CDC20B: variants seen among roughly 807,000 people sequenced by gnomAD.
CDC20B encodes cell division cycle protein 20 homolog B.
Under a neutral mutation model 64.1 loss-of-function variants are expected in CDC20B, and 58 were observed. The observed-to-expected ratio is 0.90, with a 90% CI of 0.73 to 1.13. The LOEUF (loss-of-function observed/expected upper bound fraction) is 1.13. Among genes scored for constraint, CDC20B ranks in the 50% most tolerant of loss-of-function variants. The pLI, the probability that CDC20B is intolerant of heterozygous loss-of-function variation, is 0.00. For synonymous variants in CDC20B, 243 were observed against 230.6 expected, an observed-to-expected ratio of 1.05 and a Z score of -0.49; for missense variants, 597 against 633.0, an observed-to-expected ratio of 0.94 and a Z score of 0.61.
chr5:55,150,844 C>G (rs1404919518), intron 2 of CDC20B, among the ~76,000 whole-genome samples: 1 of 152,122 alleles, frequency 6.6e-6, no homozygotes, highest in East Asian at 1.9e-4. Context: ...TCCCAGAGCT[C>G]AAGCGATCCT....
At chr5:55,164,321 A>G in intron 2 of CDC20B, 1 of 801,096 alleles carries the variant, frequency 1.2e-6, no homozygotes, top group Non-Finnish European at 1.8e-6. Flanking sequence ...TCTGTCACCC[A>G]GGCTGGAGTG....
At chr5:55,128,745 G>T in intron 6 of CDC20B, 128 bp from the exon 7 acceptor site, 1 of 636,324 alleles carries the variant, frequency 1.6e-6, no homozygotes, top group Non-Finnish European at 2.4e-6. Context: ...ATGGAAACAT[G>T]GAACCATGAA....
intron 2 of CDC20B, among the ~76,000 whole-genome samples, chr5:55,156,491 T>C (rs1316630687): frequency 6.6e-6 from 1 of 152,176 alleles, no homozygotes; most frequent in Non-Finnish European, 1.5e-5. Flanking sequence ...TGATCTTGGC[T>C]GAGTTAACTG....
intron 4 of CDC20B, 44 bp from the exon 5 acceptor site, chr5:55,140,451 A>T (rs377729082): frequency 2.3e-6 from 3 of 1,286,386 alleles, no homozygotes; most frequent in Non-Finnish European, 3.4e-6. Flanking sequence ...TTAAAAACAT[A>T]CATGTACAAC....
rs1465824551 is a variant in CDC20B, at chr5:55,146,766, T to TG, written c.216dup (p.Ile73HisfsTer11). ...TGACTTTGCTGCCACCTTGTGGTAA[T>TG]GGGGCTACTCGCAACAGGAACCTCT... On this transcript the variant is annotated frameshift_variant, in exon 3 of 12. Coordinates refer to ENST00000381375, the MANE Select transcript of CDC20B (RefSeq NM_001170402.1). LOFTEE classifies it high-confidence loss of function. 6 of 1,614,142 alleles carry TG rather than the reference T, an allele frequency of 3.7e-6. No homozygotes were observed. The highest frequency in any genetic ancestry group is 2.2e-5 in the East Asian group (1 of 44,888).
intron 2 of CDC20B, chr5:55,170,814 A>C (rs1030321225): frequency 2.3e-6 from 1 of 435,430 alleles, no homozygotes; most frequent in Non-Finnish European, 4.9e-6. Flanking sequence ...CAGAACTCTA[A>C]TCTTAATAGT....
rs775191808 is a variant in CDC20B at position 55,146,685 on chromosome 5, G to A, written c.298C>T (p.Pro100Ser). ...TTCAGCACTGATCCGGAAGCTTCTGGGAGGTAGGTGGTTGACTGCTCTTCC... is the reference window on the plus strand; with the variant it reads ...TTCAGCACTGATCCGGAAGCTTCTGAGAGGTAGGTGGTTGACTGCTCTTCC... ...FGEEQSTTYL[P>S]EASGSVLKTP... is the part of the protein sequence containing the mutation. The change falls in exon 3 of 12, where the codon CCA (proline) becomes TCA (serine). Residue 100 changes from proline (P) to serine (S), a missense_variant. By Grantham distance (74) the Pro-to-Ser change is moderately conservative. This residue lies in a region of CDC20B where 241 missense variants were observed against 219.2 expected (regional missense o/e 1.10). Coordinates refer to ENST00000381375, the MANE Select transcript of CDC20B (RefSeq NM_001170402.1). The A allele has an allele frequency of 1.1e-5, 17 of 1,614,050 alleles. No individual in the cohort carries two copies. Among genetic ancestry groups the A allele is most frequent in the Admixed American group, 8.3e-5 (5 of 59,998 alleles).
chr5:55,138,819 T>G (rs1462063585), intron 5 of CDC20B, among the ~76,000 whole-genome samples: 1 of 150,340 alleles, frequency 6.7e-6, no homozygotes. Flanking sequence ...ATAGCGAGGT[T>G]GGTGAACAGA....
intron 11 of CDC20B, among the ~76,000 whole-genome samples, chr5:55,119,481 T>A (rs974367968): frequency 7.9e-5 from 12 of 152,218 alleles, no homozygotes; most frequent in African/African-American, 2.7e-4. Flanking sequence ...CCACCCATTC[T>A]ACACCGCTGG....
chr5:55,116,812 A>T (rs769067543), intron 11 of CDC20B, among the ~76,000 whole-genome samples: 1 of 152,246 alleles, frequency 6.6e-6, no homozygotes, highest in Non-Finnish European at 1.5e-5. Flanking sequence ...TTTCCAAAGC[A>T]TGTACTGAAA....
intron 8 of CDC20B, chr5:55,126,246 A>G (rs1415170249): frequency 6.5e-6 from 1 of 153,548 alleles, no homozygotes; most frequent in Non-Finnish European, 1.4e-5. Flanking sequence ...CACACCTGTA[A>G]TCCCAGCACT....
intron 4 of CDC20B, 88 bp from the exon 5 acceptor site, chr5:55,140,495 G>A: frequency 1.3e-6 from 1 of 798,740 alleles, no homozygotes; most frequent in Non-Finnish European, 2.0e-6. Flanking sequence ...ATTACAACTG[G>A]TAATTCACTA....
chr5:55,134,908 A>C (rs1438714677), intron 5 of CDC20B, among the ~76,000 whole-genome samples: 2 of 152,236 alleles, frequency 1.3e-5, no homozygotes, highest in East Asian at 3.8e-4. Flanking sequence ...ACGGATGAAC[A>C]GACAAAGCAG....
At position 55,138,127 on chromosome 5, in the gene CDC20B, C is replaced by T. The variant is rs1451396746; in HGVS notation, c.580+2187G>A. 2.0e-5 allele frequency among the ~76,000 whole-genome samples: 3 copies of T among 148,530 alleles called. No individual in the cohort carries two copies. In the Admixed American group the frequency reaches 2.0e-4, roughly 10 times the overall value. ...TTTTTTAATTCAATAGCGCCAGGCACCATGGAGATGTATGAAACAAAAAAA... is the reference window on the plus strand; with the variant it reads ...TTTTTTAATTCAATAGCGCCAGGCATCATGGAGATGTATGAAACAAAAAAA... On this transcript the variant is annotated intron_variant, in intron 5 of 11. Transcript: ENST00000381375.
intron 2 of CDC20B, among the ~76,000 whole-genome samples, chr5:55,168,174 T>A (rs1744476115): frequency 6.6e-6 from 1 of 151,974 alleles, no homozygotes; most frequent in African/African-American, 2.4e-5. Context: ...CTTCCCCTCA[T>A]CCAGCTGAAC....
intron 9 of CDC20B, among the ~76,000 whole-genome samples, chr5:55,122,881 A>G (rs2111807251): frequency 6.6e-6 from 1 of 152,290 alleles, no homozygotes; most frequent in Middle Eastern, 3.4e-3. Flanking sequence ...CTGCAACCTC[A>G]TGAGTGATCC....
chr5:55,163,972 T>C, intron 2 of CDC20B: 1 of 1,034,218 alleles, frequency 9.7e-7, no homozygotes, highest in Non-Finnish European at 1.4e-6. Context: ...ACTAAAGTTA[T>C]CATTTATGCA....
intron 2 of CDC20B, among the ~76,000 whole-genome samples, chr5:55,150,390 T>G (rs1296167685): frequency 6.6e-6 from 1 of 152,156 alleles, no homozygotes; most frequent in Non-Finnish European, 1.5e-5. Flanking sequence ...CAGTTTGGGT[T>G]TTTTACTAAG....
At chr5:55,160,166 T>A in intron 2 of CDC20B, 1 of 1,579,670 alleles carries the variant, frequency 6.3e-7, no homozygotes, top group Non-Finnish European at 8.7e-7. Flanking sequence ...TCCAGGCTGC[T>A]GAGACTTCCC....
Sources: allele counts gnomAD v4.1 joint callset (sites outside exome capture counted in the v4.1 genomes callset), GRCh38; gene constraint gnomAD v4.1.1; regional missense constraint gnomAD v4.1.1; transcripts MANE v1.5; gene names NCBI Gene and HGNC (gene_info 2026-07-23, HGNC 2026-07-21).